HDAC9: variants seen among roughly 807,000 people sequenced by gnomAD.
HDAC9 encodes histone deacetylase 9, also known as MEF-2 interacting transcription repressor (MITR) protein.
A neutral mutation model predicts 139.4 loss-of-function variants in HDAC9; 41 were observed. That is an observed-to-expected ratio of 0.29 (90% CI 0.23 to 0.38). The LOEUF is 0.38. HDAC9 is among the 10% of genes least tolerant of loss of function. HDAC9 has a pLI of 1.00. For missense variants in HDAC9, 1,147 were observed against 1,297.0 expected, an observed-to-expected ratio of 0.88 and a Z score of 1.78; for synonymous variants, 517 against 476.2, an observed-to-expected ratio of 1.09 and a Z score of -1.12.
At chr7:18,624,464 A>T (rs181192270) in intron 6 of HDAC9, among the ~76,000 whole-genome samples, 212 of 152,296 alleles carry the variant, frequency 1.4e-3, no homozygotes, top group African/African-American at 4.9e-3. Context: ...GAGCACACAC[A>T]CTAAAAAGCT....
chr7:18,299,313 G>A lies in HDAC9; in HGVS notation c.-42+8798G>A, dbSNP rs548726212. ...TTAGAAAAGTTCTGATAATTCCAAC[G>A]TAATATATTCCTTGTTTTGTAAGCG... On this transcript the variant is annotated intron_variant, in intron 1 of 3. Coordinates refer to the HDAC9 transcript ENST00000413509. Among the ~76,000 whole-genome samples the A allele has an allele frequency of 4.0e-5, 6 of 149,818 alleles. No individual in the cohort carries two copies. The East Asian group carries it at 7.8e-4, about 20-fold the overall frequency.
At chr7:18,619,898 G>A (rs1456659002) in intron 6 of HDAC9, among the ~76,000 whole-genome samples, 1 of 152,082 alleles carries the variant, frequency 6.6e-6, no homozygotes, top group Non-Finnish European at 1.5e-5. Flanking sequence ...ATCTCACTAA[G>A]CCCTGGAGGA....
At chr7:18,825,813 C>G (rs1795386241) in intron 17 of HDAC9, among the ~76,000 whole-genome samples, 1 of 147,682 alleles carries the variant, frequency 6.8e-6, no homozygotes. Flanking sequence ...CACATATAAA[C>G]AAATACACAC....
intron 1 of HDAC9, among the ~76,000 whole-genome samples, chr7:18,489,048 A>T (rs538461864): frequency 6.6e-6 from 1 of 152,016 alleles, no homozygotes; most frequent in Admixed American, 6.6e-5. Context: ...TAACAATGAA[A>T]TATTAGAGGT....
At chr7:18,945,344 A>T (rs184749058) in intron 23 of HDAC9, among the ~76,000 whole-genome samples, 3 of 152,352 alleles carry the variant, frequency 2.0e-5, no homozygotes, top group African/African-American at 7.2e-5. Context: ...TATCTATTCA[A>T]AACTTTGGTC....
intron 2 of HDAC9, among the ~76,000 whole-genome samples, chr7:18,254,879 G>A (rs190201208): frequency 1.3e-5 from 2 of 152,016 alleles, no homozygotes; most frequent in Non-Finnish European, 2.9e-5. Context: ...TTCAACTTCT[G>A]TAAAGAAAAA....
At chr7:18,322,045 G>T (rs1035290734) in intron 1 of HDAC9, among the ~76,000 whole-genome samples, 2 of 151,970 alleles carry the variant, frequency 1.3e-5, no homozygotes, top group African/African-American at 4.8e-5. Context: ...CATGTCACTC[G>T]GCCTTCTCAG....
At chr7:18,299,750 G>A (rs1021678563) in intron 1 of HDAC9, among the ~76,000 whole-genome samples, 6 of 152,164 alleles carry the variant, frequency 3.9e-5, no homozygotes, top group Admixed American at 1.3e-4. Context: ...TGGCGGAGGG[G>A]TAAAGGAAAA....
chr7:18,622,345 A>T (rs1333165230), intron 6 of HDAC9, among the ~76,000 whole-genome samples: 1 of 152,160 alleles, frequency 6.6e-6, no homozygotes, highest in African/African-American at 2.4e-5. Flanking sequence ...TTATTTAGAG[A>T]GGGAGTCTCG....
At chr7:18,206,468 A>G (rs950809109) in intron 2 of HDAC9, among the ~76,000 whole-genome samples, 9 of 152,258 alleles carry the variant, frequency 5.9e-5, no homozygotes, top group South Asian at 2.1e-4. Flanking sequence ...ATAAATCCCA[A>G]TGGAGGCTTG....
intron 1 of HDAC9, among the ~76,000 whole-genome samples, chr7:18,419,480 A>G (rs1366078625): frequency 6.7e-6 from 1 of 150,102 alleles, no homozygotes; most frequent in African/African-American, 2.4e-5. Context: ...ACTGCCTCCA[A>G]GTGAGAAGAT....
chr7:18,355,018 G>C lies in HDAC9; in HGVS notation c.-42+64503G>C, dbSNP rs143553723. Reference sequence around the variant, plus strand: ...ATTAATAATTACAGATCCTCAATCTGCTTATTGTCAGTCATTTTTTCTACC... The same window carrying C: ...ATTAATAATTACAGATCCTCAATCTCCTTATTGTCAGTCATTTTTTCTACC... On this transcript the variant is annotated intron_variant, in intron 1 of 3. Transcript: ENST00000413509. Among the ~76,000 whole-genome samples, 849 of 152,198 alleles carry C rather than the reference G, an allele frequency of 5.6e-3. 9 individuals carry two copies. The highest frequency in any genetic ancestry group is 0.019 in the African/African-American group (800 of 41,512).
intron 1 of HDAC9, among the ~76,000 whole-genome samples, chr7:18,297,731 A>G (rs1274746992): frequency 2.6e-5 from 4 of 152,222 alleles, no homozygotes. Flanking sequence ...CCAGTGGCAC[A>G]GTAAATGTCA....
At chr7:18,777,920 T>C (rs528678016) in intron 16 of HDAC9, among the ~76,000 whole-genome samples, 3 of 152,072 alleles carry the variant, frequency 2.0e-5, no homozygotes, top group African/African-American at 7.2e-5. Flanking sequence ...CTTCCAATGA[T>C]AACCTGCCTC....
chr7:18,743,803 T>C (rs1275968414), intron 13 of HDAC9, among the ~76,000 whole-genome samples: 1 of 152,000 alleles, frequency 6.6e-6, no homozygotes. Flanking sequence ...TAACAGCCAC[T>C]ATGCATGAGA....
intron 2 of HDAC9, among the ~76,000 whole-genome samples, chr7:18,563,747 A>ATT (rs569882577): frequency 2.7e-5 from 4 of 147,188 alleles, no homozygotes; most frequent in African/African-American, 1.0e-4. Flanking sequence ...AACTTAGATT[A>ATT]TTTTTTTTTA....
chr7:18,343,450 A>C lies in HDAC9; in HGVS notation c.-42+52935A>C, dbSNP rs1336296943. 2.0e-5 allele frequency among the ~76,000 whole-genome samples: 3 copies of C among 151,880 alleles called. No individual in the cohort carries two copies. The East Asian group carries it at 5.8e-4, about 29-fold the overall frequency. On this transcript the variant is annotated intron_variant, in intron 1 of 3. Coordinates refer to the HDAC9 transcript ENST00000413509. ...TGGAAACAATATTAGGCATATTTCA[A>C]ATCATCATAGAATTCAGATTATCTA...
rs1800391772 is a variant in HDAC9, at chr7:18,508,229, G to C, written c.22+11905G>C. ...GTGACTGATAGGGCAGTATTAACTA[G>C]GGTAGCTAGGGTAGTTAAGTGAAGG... On this transcript the variant is annotated intron_variant, in intron 2 of 25. Coordinates refer to ENST00000686413, the MANE Select transcript of HDAC9 (RefSeq NM_178425.4). Among the ~76,000 whole-genome samples, 3 of 152,298 alleles carry C rather than the reference G, an allele frequency of 2.0e-5. No individual in the cohort carries two copies. The South Asian group carries it at 6.2e-4, about 32-fold the overall frequency.
chr7:18,173,356 C>G (rs1400182346), intron 2 of HDAC9, among the ~76,000 whole-genome samples: 1 of 152,136 alleles, frequency 6.6e-6, no homozygotes, highest in Non-Finnish European at 1.5e-5. Flanking sequence ...CTCTGCACGT[C>G]AGATGGGTCT....
Sources: allele counts gnomAD v4.1 joint callset (sites outside exome capture counted in the v4.1 genomes callset), GRCh38; gene constraint gnomAD v4.1.1; transcripts MANE v1.5; gene names NCBI Gene and HGNC (gene_info 2026-07-23, HGNC 2026-07-21).